Variants in HHAT observed in about 807,000 individuals in gnomAD.
The protein encoded by HHAT is protein-cysteine N-palmitoyltransferase HHAT.
In HHAT, 47 loss-of-function variants were observed where a neutral mutation model predicts 70.8. The observed-to-expected ratio is 0.66, with a 90% CI of 0.53 to 0.85. HHAT has a LOEUF of 0.85. HHAT is among the 40% of genes least tolerant of loss of function. The probability of loss-of-function intolerance (pLI) is 0.00; values close to 1 mark genes in which losing one functional copy is unlikely to be tolerated. For missense variants in HHAT, 609 were observed against 604.8 expected (o/e 1.01, Z -0.07); for synonymous variants, 228 against 247.6 (o/e 0.92, Z 0.74).
chr1:210,457,018 G>A (rs776242103), intron 7 of HHAT, among the ~76,000 whole-genome samples: 3 of 152,046 alleles, frequency 2.0e-5, no homozygotes, highest in Non-Finnish European at 2.9e-5. Flanking sequence ...TGGTTTTCTG[G>A]GTGCTGATCC....
intron 9 of HHAT, among the ~76,000 whole-genome samples, chr1:210,528,722 T>C (rs2095279680): frequency 6.6e-6 from 1 of 152,170 alleles, no homozygotes; most frequent in Admixed American, 6.5e-5. Flanking sequence ...TGATGTACAT[T>C]TTTATATTAA....
At position 210,623,659 on chromosome 1, in the gene HHAT, T is replaced by C; in HGVS notation, c.1379T>C (p.Ile460Thr). 6.2e-7 allele frequency: 1 copy of C among 1,613,912 alleles called. No homozygotes were observed. The highest frequency in any genetic ancestry group is 8.5e-7 in the Non-Finnish European group (1 of 1,179,880). The change falls in exon 11 of 12, where the codon ATC becomes ACC. Residue 460 changes from isoleucine (I) to threonine (T), a missense_variant. Ile to Thr is a moderately conservative substitution (Grantham distance 89). Coordinates refer to ENST00000261458, the MANE Select transcript of HHAT (RefSeq NM_018194.6). ...GTTGGGAAAACCTACTGGAATAGGATCTTCATACAAGGTAAGTTGCTTGAC... is the reference window on the plus strand; with the variant it reads ...GTTGGGAAAACCTACTGGAATAGGACCTTCATACAAGGTAAGTTGCTTGAC... ...NEVGKTYWNR[I>T]FIQGWPWVTL...
At chr1:210,438,081 G>A (rs1333258961) in intron 7 of HHAT, among the ~76,000 whole-genome samples, 3 of 151,910 alleles carry the variant, frequency 2.0e-5, no homozygotes, top group African/African-American at 7.3e-5. Flanking sequence ...GGTGTGGGAT[G>A]AGAGAAGGAT....
At chr1:210,332,376 A>G (rs1173666411) in intron 1 of HHAT, among the ~76,000 whole-genome samples, 1 of 152,256 alleles carries the variant, frequency 6.6e-6, no homozygotes, top group Non-Finnish European at 1.5e-5. Flanking sequence ...TGAAAACTGT[A>G]TCACAAAAAA....
At chr1:210,476,445 A>G (rs1166100621) in intron 8 of HHAT, among the ~76,000 whole-genome samples, 5 of 152,218 alleles carry the variant, frequency 3.3e-5, no homozygotes, top group African/African-American at 1.2e-4. Context: ...ATTCTTTAGC[A>G]TGGTGTATAA....
chr1:210,591,496 T>G (rs1031834020), intron 10 of HHAT, among the ~76,000 whole-genome samples: 1 of 152,188 alleles, frequency 6.6e-6, no homozygotes, highest in Admixed American at 6.5e-5. Flanking sequence ...TGAATAGTAC[T>G]ACAGTAAACA....
chr1:210,547,564 C>T (rs2095494420), intron 9 of HHAT, among the ~76,000 whole-genome samples: 1 of 152,116 alleles, frequency 6.6e-6, no homozygotes, highest in Non-Finnish European at 1.5e-5. Context: ...TAAGGCAGGT[C>T]CCAAAGGGCC....
intron 11 of HHAT, among the ~76,000 whole-genome samples, chr1:210,632,990 C>T (rs1671171094): frequency 6.6e-6 from 1 of 152,172 alleles, no homozygotes. Flanking sequence ...GGCTCCTCCC[C>T]ACCAGATGTT....
chr1:210,659,033 G>A (rs543995390), intron 11 of HHAT, among the ~76,000 whole-genome samples: 26 of 151,224 alleles, frequency 1.7e-4, no homozygotes, highest in African/African-American at 6.0e-4. Context: ...AAGAACTAGA[G>A]AAGCAAGAGC....
At chr1:210,428,324 AT>A (rs2093136782) in intron 7 of HHAT, among the ~76,000 whole-genome samples, 5 of 51,530 alleles carry the variant, frequency 9.7e-5, no homozygotes, top group Non-Finnish European at 1.8e-4. Flanking sequence ...ATATATATAT[AT>A]ATATATATAT....
chr1:210,670,692 A>T (rs1278986072), intron 11 of HHAT, among the ~76,000 whole-genome samples: 1 of 152,222 alleles, frequency 6.6e-6, no homozygotes, highest in Non-Finnish European at 1.5e-5. Context: ...GGTACATGCC[A>T]CGTCTACTGT....
At chr1:210,425,935 T>C (rs1320566433) in intron 7 of HHAT, among the ~76,000 whole-genome samples, 1 of 152,202 alleles carries the variant, frequency 6.6e-6, no homozygotes, top group East Asian at 1.9e-4. Flanking sequence ...CTTTGAGCAG[T>C]ATGGCCATTT....
In HHAT at chr1:210,404,659, T is replaced by C. The variant is rs147320835; in HGVS notation, c.664T>C (p.Phe222Leu). The C allele has an allele frequency of 6.1e-5, 98 of 1,613,812 alleles. No homozygotes were observed. Among genetic ancestry groups the C allele is most frequent in the Admixed American group, 2.2e-4 (13 of 60,002 alleles). Residue 222 changes from phenylalanine (F) to leucine (L), a missense_variant, in exon 6 of 12, where the codon TTC becomes CTC. Physicochemically the swap from Phe to Leu is conservative, Grantham distance 22. Transcript: ENST00000261458. Reference protein sequence around the residue: ...PVLHNGPILSFSEFIKQMQQQ... With the variant: ...PVLHNGPILSLSEFIKQMQQQ... Reference sequence around the variant, plus strand: ...CTTACACAATGGGCCCATCCTCAGCTTCTCGGAGTTCATCAAACAGGTAGA... The same window carrying C: ...CTTACACAATGGGCCCATCCTCAGCCTCTCGGAGTTCATCAAACAGGTAGA...
rs116252916 is a variant in HHAT at position 210,569,967 on chromosome 1, A to G, written c.1044-17931A>G. Among the ~76,000 whole-genome samples the G allele has an allele frequency of 3.8e-3, 580 of 152,176 alleles. 2 individuals are homozygous for G. Among genetic ancestry groups the G allele is most frequent in the African/African-American group, 0.013 (548 of 41,498 alleles). ...CTAGCCTATAGTTGGTACTCAGCCT[A>G]TTTTTTATAGGCACATTCCTTTCAC... is the stretch of plus-strand genomic sequence containing the variant. On this transcript the variant is annotated intron_variant, in intron 9 of 11. Transcript: ENST00000261458.
intron 9 of HHAT, among the ~76,000 whole-genome samples, chr1:210,576,888 C>T (rs1657901942): frequency 6.6e-6 from 1 of 151,998 alleles, no homozygotes; most frequent in Non-Finnish European, 1.5e-5. Context: ...AAATCTTTGG[C>T]CTTCTTGGCT....
chr1:210,401,894 G>A (rs774701863), intron 5 of HHAT, among the ~76,000 whole-genome samples: 4 of 151,472 alleles, frequency 2.6e-5, no homozygotes, highest in Non-Finnish European at 5.9e-5. Flanking sequence ...TCCCCTGGAC[G>A]GCTCTGGACT....
chr1:210,664,815 T>G (rs1003820142), intron 11 of HHAT, among the ~76,000 whole-genome samples: 3 of 152,202 alleles, frequency 2.0e-5, no homozygotes, highest in African/African-American at 7.2e-5. Context: ...TGGCTTTTAC[T>G]CACTCTAGGG....
At chr1:210,410,335 C>A (rs562355042) in intron 6 of HHAT, among the ~76,000 whole-genome samples, 1 of 151,690 alleles carries the variant, frequency 6.6e-6, no homozygotes, top group East Asian at 2.0e-4. Flanking sequence ...GGATTGCAGG[C>A]GTGAGCCACC....
intron 10 of HHAT, among the ~76,000 whole-genome samples, 181 bp from the exon 11 acceptor site, chr1:210,623,345 T>A (rs549695299): frequency 1.3e-5 from 2 of 152,264 alleles, no homozygotes; most frequent in East Asian, 3.9e-4. Context: ...AAGTGTGAGA[T>A]TATAGGCATG....
Sources: gnomAD v4.1 joint callset for allele counts (sites outside exome capture counted in the v4.1 genomes callset) on GRCh38, gnomAD v4.1.1 for gene constraint, MANE v1.5 for transcripts, NCBI Gene and HGNC (gene_info 2026-07-23, HGNC 2026-07-21) for gene names.